SLC15A5: variants seen among roughly 807,000 people sequenced by gnomAD.
The protein encoded by SLC15A5 is solute carrier family 15 member 5.
Under a neutral mutation model 56.1 loss-of-function variants are expected in SLC15A5, and 58 were observed. The ratio of observed to expected loss-of-function variants is 1.03; its 90% CI spans 0.84 to 1.29. The LOEUF is 1.29. Ranked by LOEUF, SLC15A5 falls within the 50% of genes most tolerant of loss-of-function variation. The pLI, the probability that SLC15A5 is intolerant of heterozygous loss-of-function variation, is 0.00. For missense variants in SLC15A5, 681 were observed against 672.1 expected, an observed-to-expected ratio of 1.01 and a Z score of -0.15; for synonymous variants, 264 against 250.5, an observed-to-expected ratio of 1.05 and a Z score of -0.51.
chr12:16,272,730 T>C lies in SLC15A5; in HGVS notation c.415A>G (p.Thr139Ala), dbSNP rs752389521. The change falls in exon 2 of 9, where the codon ACT becomes GCT. Residue 139 changes from threonine (T) to alanine (A), a missense_variant. Transcript: ENST00000344941. ...AFPLEDFYLGTYHAVNNIPKT... is the reference protein window; with the variant it reads ...AFPLEDFYLGAYHAVNNIPKT... ...GGTATGTTGTTAACTGCATGGTAAGTGCCCAGATAGAAATCTTCCAAGGGA... is the reference window on the plus strand; with the variant it reads ...GGTATGTTGTTAACTGCATGGTAAGCGCCCAGATAGAAATCTTCCAAGGGA... 1 of 1,537,194 alleles carries C rather than the reference T, an allele frequency of 6.5e-7. No homozygotes were observed. Among genetic ancestry groups the C allele is most frequent in the South Asian group, 1.2e-5 (1 of 84,050 alleles).
chr12:16,199,584 C>T (rs1863932154), intron 7 of SLC15A5, among the ~76,000 whole-genome samples: 1 of 152,094 alleles, frequency 6.6e-6, no homozygotes, highest in South Asian at 2.1e-4. Context: ...TTCTAAACTA[C>T]ATCAGGGAGT....
At chr12:16,244,021 A>G (rs1173764579) in intron 4 of SLC15A5, among the ~76,000 whole-genome samples, 1 of 152,220 alleles carries the variant, frequency 6.6e-6, no homozygotes, top group Admixed American at 6.5e-5. Flanking sequence ...AAAATCACAT[A>G]TATCTATAAA....
chr12:16,264,893 T>C (rs1864678854), intron 2 of SLC15A5, among the ~76,000 whole-genome samples: 1 of 152,184 alleles, frequency 6.6e-6, no homozygotes, highest in Non-Finnish European at 1.5e-5. Context: ...CCTCTTTCTT[T>C]TGTAAATTTC....
chr12:16,261,870 G>C (rs1355098038), intron 2 of SLC15A5, among the ~76,000 whole-genome samples: 6 of 152,116 alleles, frequency 3.9e-5, no homozygotes, highest in Non-Finnish European at 7.4e-5. Context: ...CTGTCCTTAT[G>C]TATTCTGGCT....
chr12:16,204,577 A>G (rs1392141098), intron 7 of SLC15A5, among the ~76,000 whole-genome samples: 3 of 151,948 alleles, frequency 2.0e-5, no homozygotes, highest in Admixed American at 1.3e-4. Flanking sequence ...ATATATCATA[A>G]AATTATTATA....
intron 5 of SLC15A5, among the ~76,000 whole-genome samples, chr12:16,228,957 C>T (rs1484795342): frequency 6.6e-6 from 1 of 152,112 alleles, no homozygotes; most frequent in African/African-American, 2.4e-5. Flanking sequence ...GCTCCCAACC[C>T]CTGCGTTGTT....
At chr12:16,215,950 C>T (rs1591644823) in intron 7 of SLC15A5, among the ~76,000 whole-genome samples, 1 of 151,956 alleles carries the variant, frequency 6.6e-6, no homozygotes, top group African/African-American at 2.4e-5. Flanking sequence ...TAGAATGGGT[C>T]CTTGATAAAT....
At chr12:16,195,838 T>C (rs1365784445) in intron 7 of SLC15A5, among the ~76,000 whole-genome samples, 2 of 152,156 alleles carry the variant, frequency 1.3e-5, no homozygotes, top group Non-Finnish European at 2.9e-5. Flanking sequence ...CCACTTCCCA[T>C]TTAAAGCTGT....
At chr12:16,265,299 G>A (rs1264689605) in intron 2 of SLC15A5, among the ~76,000 whole-genome samples, 1 of 152,164 alleles carries the variant, frequency 6.6e-6, no homozygotes, top group Non-Finnish European at 1.5e-5. Context: ...TGTGATATGT[G>A]TTTGGAAAGA....
rs930341845 is a variant in SLC15A5, at chr12:16,243,859, A to T, written c.975+721T>A. Among the ~76,000 whole-genome samples, 26 of 152,180 alleles carry T rather than the reference A, an allele frequency of 1.7e-4. No individual in the cohort carries two copies. Among genetic ancestry groups the T allele is most frequent in the African/African-American group, 5.3e-4 (22 of 41,442 alleles). ...TTTGTTGCAGCTCTATTATTCTATG[A>T]TTTCTAAATGTAACTCATTCATGAG... is the stretch of plus-strand genomic sequence containing the variant. On this transcript the variant is annotated intron_variant, in intron 4 of 8. Coordinates refer to ENST00000344941, the MANE Select transcript of SLC15A5 (RefSeq NM_001170798.1). This position sits in a 1 kb window ranked among gnomAD's most constrained non-coding sequence, Gnocchi z 4.4.
rs777530631 is a variant in SLC15A5, at chr12:16,271,923, T to C, written c.584+638A>G. Among the ~76,000 whole-genome samples, 6 of 152,190 alleles carry C rather than the reference T, an allele frequency of 3.9e-5. No homozygotes were observed. Among genetic ancestry groups the C allele is most frequent in the Non-Finnish European group, 8.8e-5 (6 of 68,032 alleles). On this transcript the variant is annotated intron_variant, in intron 2 of 8. Coordinates refer to ENST00000344941, the MANE Select transcript of SLC15A5 (RefSeq NM_001170798.1). The surrounding 1 kb of genome is among the most constrained non-coding windows in gnomAD (Gnocchi z 8.0). Reference sequence around the variant, plus strand: ...GATTTTCATGGAATATAAACTCTTTTAGGTGTTGGGAGCGAACTGGGTGAG... The same window carrying C: ...GATTTTCATGGAATATAAACTCTTTCAGGTGTTGGGAGCGAACTGGGTGAG...
intron 7 of SLC15A5, among the ~76,000 whole-genome samples, chr12:16,201,016 G>A (rs1390009564): frequency 6.6e-6 from 1 of 152,070 alleles, no homozygotes; most frequent in East Asian, 1.9e-4. Context: ...ATACAGAGGA[G>A]ATAACAATGT....
chr12:16,216,920 C>T lies in SLC15A5; in HGVS notation c.1456G>A (p.Val486Met), dbSNP rs1335175846. The stretch of plus-strand genomic sequence containing the variant: ...TCTGAGATGAGATATACCAACTTCA[C>T]CAGCAGTGCCCCTGTGAAACAGCCA... ...GFGCFTGALL[V>M]KLVYLISDGN... Residue 486 changes from valine (V) to methionine (M), a missense_variant, in exon 7 of 9, where the codon GTG (valine) becomes ATG (methionine). Transcript: ENST00000344941. 1.3e-6 allele frequency: 2 copies of T among 1,536,628 alleles called. No homozygotes were observed. Among genetic ancestry groups the T allele is most frequent in the Non-Finnish European group, 1.7e-6 (2 of 1,146,548 alleles).
At chr12:16,256,357 T>C (rs1358725476) in intron 3 of SLC15A5, among the ~76,000 whole-genome samples, 1 of 152,172 alleles carries the variant, frequency 6.6e-6, no homozygotes. Context: ...GAATGCTAAC[T>C]CTGCAAAAAC....
intron 7 of SLC15A5, among the ~76,000 whole-genome samples, chr12:16,202,095 A>G (rs1863964005): frequency 6.6e-6 from 1 of 152,176 alleles, no homozygotes; most frequent in Non-Finnish European, 1.5e-5. Context: ...AAGGAAAAAT[A>G]GACAAATGAG....
chr12:16,221,868 G>A (rs537180099), intron 6 of SLC15A5, among the ~76,000 whole-genome samples: 10 of 152,144 alleles, frequency 6.6e-5, no homozygotes, highest in African/African-American at 2.4e-4. Flanking sequence ...CTGTTGGATT[G>A]GAGGGGAGAG....
intron 5 of SLC15A5, among the ~76,000 whole-genome samples, chr12:16,227,163 A>G (rs188371105): frequency 6.6e-6 from 1 of 152,296 alleles, no homozygotes; most frequent in East Asian, 1.9e-4. Context: ...TTAATTTATT[A>G]CTATTTTAAA....
At chr12:16,236,102 T>G (rs1307491984) in intron 5 of SLC15A5, among the ~76,000 whole-genome samples, 1 of 152,218 alleles carries the variant, frequency 6.6e-6, no homozygotes, top group African/African-American at 2.4e-5. Context: ...TAAGCCTTAA[T>G]AACAATCTTA....
At chr12:16,259,914 A>G (rs1353537323) in intron 2 of SLC15A5, among the ~76,000 whole-genome samples, 2 of 145,378 alleles carry the variant, frequency 1.4e-5, no homozygotes, top group East Asian at 4.1e-4. Context: ...GGGGTAAGTT[A>G]GAGCACTTCC....
Sources: gnomAD v4.1 joint callset for allele counts (sites outside exome capture counted in the v4.1 genomes callset) on GRCh38, gnomAD v4.1.1 for gene constraint, Gnocchi (gnomAD v3.1) non-coding constraint, MANE v1.5 for transcripts, NCBI Gene and HGNC (gene_info 2026-07-23, HGNC 2026-07-21) for gene names.